Variants in SMG6 observed in about 807,000 individuals in gnomAD.
SMG6 encodes SMG6 nonsense mediated mRNA decay factor.
SMG6 carries 66 observed loss-of-function variants against 142.2 expected under a neutral mutation model. The observed-to-expected ratio is 0.46, with a 90% CI of 0.38 to 0.57. The LOEUF is 0.57. SMG6 is among the 20% of genes least tolerant of loss of function. The pLI is 0.00. For synonymous variants in SMG6, 779 were observed against 702.4 expected, an observed-to-expected ratio of 1.11 and a Z score of -1.72; for missense variants, 1,793 against 1,832.0, an observed-to-expected ratio of 0.98 and a Z score of 0.39.
In SMG6 at chr17:2,060,344, G is replaced by A. The variant is rs2067737236; in HGVS notation, c.*1148C>T. 3 of 152,284 alleles carry A rather than the reference G, an allele frequency of 2.0e-5. No individual in the cohort carries two copies. The allele number at this position is 152,284 out of a possible 1,614,324, so 9.4% of individuals were successfully genotyped here. ...CCCTGTGTCAGTGTCAGTTTTTCCG[G>A]GGAGTGAGGGCAAAGCTAGAAACCA... On this transcript the variant is annotated 3_prime_UTR_variant, in exon 19 of 19. Transcript: ENST00000263073.
intron 6 of SMG6, among the ~76,000 whole-genome samples, chr17:2,285,413 A>G (rs2151383094): frequency 6.6e-6 from 1 of 152,374 alleles, no homozygotes; most frequent in South Asian, 2.1e-4. Flanking sequence ...TCTGTGAAAA[A>G]GAAAATTTAA....
intron 2 of SMG6, among the ~76,000 whole-genome samples, 190 bp downstream of exon 2, chr17:2,298,716 T>C (rs1339549579): frequency 6.7e-6 from 1 of 148,672 alleles, no homozygotes; most frequent in East Asian, 1.9e-4. Flanking sequence ...AGACTCCGTC[T>C]TAAAAAAAAA....
At chr17:2,120,437 T>C (rs2069651848) in intron 13 of SMG6, among the ~76,000 whole-genome samples, 4 of 152,204 alleles carry the variant, frequency 2.6e-5, no homozygotes, top group African/African-American at 9.6e-5. Context: ...TGAAAAAGTA[T>C]ACAACTTCAG....
rs372342101 is a variant in SMG6 at position 2,290,236 on chromosome 17, A to C, written c.2337+2316T>G. 8.5e-5 allele frequency among the ~76,000 whole-genome samples: 13 copies of C among 152,366 alleles called. No homozygotes were observed. In the East Asian group the frequency reaches 1.5e-3, roughly 18 times the overall value. ...AACTTCAAGACATAAATAAAGTTAC[A>C]GGAACCAAGACAGTGTGGTACTGAC... On this transcript the variant is annotated intron_variant, in intron 6 of 18. Coordinates refer to ENST00000263073, the MANE Select transcript of SMG6 (RefSeq NM_017575.5).
At chr17:2,172,567 T>A in intron 13 of SMG6, 91 bp downstream of exon 13, 1 of 1,345,428 alleles carries the variant, frequency 7.4e-7, no homozygotes, top group Non-Finnish European at 1.1e-6. Flanking sequence ...TTAATCATGT[T>A]CCATTTGCAC....
Position 2,299,608 on chromosome 17 carries a change from A to C in SMG6, c.1145T>G (p.Leu382Trp). Residue 382 changes from leucine to tryptophan, a missense_variant, in exon 2 of 19, where the codon TTG becomes TGG. By Grantham distance (61) the Leu-to-Trp change is moderately conservative (BLOSUM62 -2). Transcript: ENST00000263073. This position sits in a 1 kb window ranked among gnomAD's most constrained non-coding sequence, Gnocchi z 4.3. ...CTCAGAGCCTTTGCCCCCACTGCTC[A>C]AGCCTTTGTCAGGCTTTCCTCTATC... ...DMDRGKPDKG[L>W]SSGGKGSEKQ... 6.2e-7 allele frequency: 1 copy of C among 1,614,136 alleles called. No individual in the cohort carries two copies. The highest frequency in any genetic ancestry group is 8.5e-7 in the Non-Finnish European group (1 of 1,180,016).
intron 4 of SMG6, among the ~76,000 whole-genome samples, chr17:2,296,831 C>T (rs2075152055): frequency 6.6e-6 from 1 of 151,856 alleles, no homozygotes. Context: ...CCCGTCTCTA[C>T]AAAACATAGA....
chr17:2,155,350 C>T (rs1039460780), intron 13 of SMG6, among the ~76,000 whole-genome samples: 2 of 152,156 alleles, frequency 1.3e-5, no homozygotes, highest in African/African-American at 2.4e-5. Context: ...GCGTGAGCCA[C>T]GGCGAATGAA....
chr17:2,072,853 G>A (rs2068144082), intron 15 of SMG6: 1 of 152,166 alleles, frequency 6.6e-6, no homozygotes, highest in Admixed American at 6.5e-5. Flanking sequence ...GAAATTAGAA[G>A]CTTTGTAACA....
rs773284465 is a variant in SMG6, at chr17:2,299,691, G to T, written c.1062C>A (p.Phe354Leu). ...ACTCTTTGTTCATGGCTTCTGCATC[G>T]AAAGTGACACGAAGAGTGCCTCGAT... ...KEYRGTLRVT[F>L]DAEAMNKESP... Residue 354 changes from phenylalanine (F) to leucine (L), a missense_variant, in exon 2 of 19, where the codon TTC becomes TTA. Phe to Leu is a conservative substitution (Grantham distance 22). Around this residue, in one of 3 missense-constraint regions of SMG6, gnomAD observed 1,597 missense variants for 1,584.6 expected, o/e 1.01. Transcript: ENST00000263073. The surrounding 1 kb of genome is among the most constrained non-coding windows in gnomAD (Gnocchi z 4.3). 1.2e-6 allele frequency: 2 copies of T among 1,614,102 alleles called. No individual in the cohort carries two copies. Among genetic ancestry groups the T allele is most frequent in the Non-Finnish European group, 1.7e-6 (2 of 1,180,026 alleles).
intron 8 of SMG6, among the ~76,000 whole-genome samples, chr17:2,249,142 C>G (rs1187632823): frequency 7.9e-5 from 12 of 152,174 alleles, no homozygotes; most frequent in Non-Finnish European, 5.9e-5. Flanking sequence ...ATCCGCCCGC[C>G]TTGGCCTCCC....
At chr17:2,243,793 G>A (rs2073867702) in intron 9 of SMG6, among the ~76,000 whole-genome samples, 1 of 152,182 alleles carries the variant, frequency 6.6e-6, no homozygotes, top group East Asian at 1.9e-4. Context: ...TCACCCCAAA[G>A]GGTAGCTCAC....
chr17:2,154,107 G>A (rs1259918976), intron 13 of SMG6, among the ~76,000 whole-genome samples: 5 of 140,116 alleles, frequency 3.6e-5, no homozygotes, highest in African/African-American at 1.4e-4. Flanking sequence ...AGAGTGTGAC[G>A]GTGACTGGGG....
intron 13 of SMG6, among the ~76,000 whole-genome samples, chr17:2,159,077 AT>A (rs908294760): frequency 6.6e-6 from 1 of 152,178 alleles, no homozygotes; most frequent in African/African-American, 2.4e-5. Flanking sequence ...GGATATAATA[AT>A]TGTCAGTAAA....
intron 4 of SMG6, among the ~76,000 whole-genome samples, chr17:2,295,587 G>T (rs1430678324): frequency 6.6e-6 from 1 of 152,052 alleles, no homozygotes; most frequent in Non-Finnish European, 1.5e-5. Context: ...CTTAACATTT[G>T]ACAGCTCCAT....
chr17:2,068,729 G>C lies in SMG6; in HGVS notation c.3835+49C>G. Reference sequence around the variant, plus strand: ...CCAGGCCGTGGGGCGTGTGTGGAGGGGGCTGCTGTGCACATGCAAGGCCGC... The same window carrying C: ...CCAGGCCGTGGGGCGTGTGTGGAGGCGGCTGCTGTGCACATGCAAGGCCGC... On this transcript the variant is annotated intron_variant, in intron 16 of 18. Transcript: ENST00000263073. The surrounding 1 kb of genome is among the most constrained non-coding windows in gnomAD (Gnocchi z 6.7). 6.3e-7 allele frequency: 1 copy of C among 1,587,088 alleles called. No homozygotes were observed. The highest frequency in any genetic ancestry group is 2.2e-5 in the East Asian group (1 of 44,520).
chr17:2,208,346 G>A lies in SMG6; in HGVS notation c.2870-19831C>T, dbSNP rs546147481. Reference sequence around the variant, plus strand: ...CTACAGGCCTCCTCCTCTGGATTCTGGCAGTATTTCTACCTGTAGAAATAC... The same window carrying A: ...CTACAGGCCTCCTCCTCTGGATTCTAGCAGTATTTCTACCTGTAGAAATAC... On this transcript the variant is annotated intron_variant, in intron 10 of 18. Coordinates refer to ENST00000263073, the MANE Select transcript of SMG6 (RefSeq NM_017575.5). 2.6e-5 allele frequency among the ~76,000 whole-genome samples: 4 copies of A among 152,210 alleles called. No individual in the cohort carries two copies. The South Asian group carries it at 8.3e-4, about 32-fold the overall frequency.
chr17:2,234,638 G>A, intron 10 of SMG6, among the ~76,000 whole-genome samples: 1 of 152,068 alleles, frequency 6.6e-6, no homozygotes, highest in East Asian at 1.9e-4. Context: ...AAAAGGCCAA[G>A]GTATTCCTTT....
At chr17:2,118,974 C>T (rs957366819) in intron 13 of SMG6, among the ~76,000 whole-genome samples, 4 of 150,274 alleles carry the variant, frequency 2.7e-5, no homozygotes, top group African/African-American at 9.8e-5. Flanking sequence ...GACCTCGACT[C>T]ACTGCAACCT....
Sources: allele counts gnomAD v4.1 joint callset (sites outside exome capture counted in the v4.1 genomes callset), GRCh38; gene constraint gnomAD v4.1.1; regional missense constraint gnomAD v4.1.1; non-coding constraint Gnocchi (gnomAD v3.1); transcripts MANE v1.5; gene names NCBI Gene and HGNC (gene_info 2026-07-23, HGNC 2026-07-21).